The following BAZ1A variants were observed in gnomAD, a reference collection of about 807,000 sequenced individuals.
BAZ1A encodes bromodomain adjacent to zinc finger domain 1A, also known as bromodomain adjacent to zinc finger domain protein 1A.
A neutral mutation model predicts 185.2 loss-of-function variants in BAZ1A; 50 were observed. That is an observed-to-expected ratio of 0.27 (90% confidence interval 0.22 to 0.34). The LOEUF is 0.34. Among genes scored for constraint, BAZ1A ranks in the 10% least tolerant of loss-of-function variants. BAZ1A has a pLI of 1.00. For missense variants in BAZ1A, 1,356 were observed against 1,839.9 expected (o/e 0.74, Z 4.81); for synonymous variants, 571 against 615.6 (o/e 0.93, Z 1.07).
intron 3 of BAZ1A, among the ~76,000 whole-genome samples, chr14:34,829,651 C>T (rs2042212394): frequency 6.6e-6 from 1 of 152,148 alleles, no homozygotes; most frequent in Admixed American, 6.5e-5. Context: ...AAGAAAGTCA[C>T]AATAATCTAA....
At chr14:34,821,773 T>C (rs1043680497) in intron 4 of BAZ1A, among the ~76,000 whole-genome samples, 1 of 151,822 alleles carries the variant, frequency 6.6e-6, no homozygotes, top group African/African-American at 2.4e-5. Flanking sequence ...TCACCTGAGG[T>C]TGGGAGTTCG....
intron 7 of BAZ1A, among the ~76,000 whole-genome samples, chr14:34,801,947 A>C (rs981381112): frequency 4.6e-5 from 7 of 151,712 alleles, no homozygotes; most frequent in Non-Finnish European, 1.0e-4. Flanking sequence ...TAATAACTCT[A>C]ATCTTAGTAA....
At chr14:34,847,119 C>T (rs927128662) in intron 3 of BAZ1A, among the ~76,000 whole-genome samples, 1 of 151,680 alleles carries the variant, frequency 6.6e-6, no homozygotes, top group Admixed American at 6.6e-5. Flanking sequence ...GACACGGTGG[C>T]GCATGCCTGT....
intron 2 of BAZ1A, among the ~76,000 whole-genome samples, chr14:34,867,658 T>C (rs565760189): frequency 6.6e-6 from 1 of 152,314 alleles, no homozygotes; most frequent in Non-Finnish European, 1.5e-5. Flanking sequence ...AAAGTTATTG[T>C]TACATTATAG....
Position 34,761,891 on chromosome 14 carries a change from T to C in BAZ1A, c.4109A>G (p.Asn1370Ser). ...GRKSANNTPE[N>S]SPNFPNFRVI... ...TCTGAAGTTAGGGAAGTTGGGACTA[T>C]TTTCTGGTGTATTATTAGCACTTTT... is the stretch of plus-strand genomic sequence containing the variant. The change falls in exon 24 of 27, where the codon AAT (asparagine) becomes AGT (serine). Residue 1370 changes from asparagine (N) to serine (S), a missense_variant. Transcript: ENST00000360310. The C allele has an allele frequency of 6.2e-7, 1 of 1,614,194 alleles. No homozygotes were observed. The highest frequency in any genetic ancestry group is 8.5e-7 in the Non-Finnish European group (1 of 1,180,032).
intron 4 of BAZ1A, among the ~76,000 whole-genome samples, chr14:34,816,029 T>C (rs2042000580): frequency 1.3e-5 from 2 of 149,660 alleles, no homozygotes; most frequent in Non-Finnish European, 3.0e-5. Flanking sequence ...GGCTAGACTA[T>C]ACTGCATCAA....
chr14:34,833,699 T>A (rs1594887035), intron 3 of BAZ1A, among the ~76,000 whole-genome samples: 1 of 152,020 alleles, frequency 6.6e-6, no homozygotes, highest in Non-Finnish European at 1.5e-5. Flanking sequence ...AAGGATAGAA[T>A]GGGGAGTTAT....
At chr14:34,825,566 A>G (rs142747238) in intron 4 of BAZ1A, among the ~76,000 whole-genome samples, 164 of 152,212 alleles carry the variant, frequency 1.1e-3, no homozygotes, top group African/African-American at 3.6e-3. Context: ...GAAAATTCTA[A>G]CATCATTGTT....
intron 5 of BAZ1A, among the ~76,000 whole-genome samples, chr14:34,809,210 C>G (rs1007042385): frequency 2.0e-5 from 3 of 152,012 alleles, no homozygotes; most frequent in Admixed American, 6.6e-5. Flanking sequence ...CACAGATAAC[C>G]AAGGATGACT....
Position 34,765,254 on chromosome 14 carries a change from C to T in BAZ1A, c.3316G>A (p.Gly1106Arg). 2 of 1,613,260 alleles carry T rather than the reference C, an allele frequency of 1.2e-6. No individual in the cohort carries two copies. Among genetic ancestry groups the T allele is most frequent in the Non-Finnish European group, 1.7e-6 (2 of 1,179,716 alleles). The change falls in exon 22 of 27, where the codon GGG becomes AGG. Residue 1106 changes from glycine (G) to arginine (R), a missense_variant. By Grantham distance (125) the Gly-to-Arg change is moderately radical (BLOSUM62 -2). Transcript: ENST00000360310. ...TCCAGAACTGTTTTATAAGAACGCC[C>T]ACTGTCACTGGCATCTTAAATGAAA... ...LKAPLDASDSGRSYKTVLDRW... is the reference protein window; with the variant it reads ...LKAPLDASDSRRSYKTVLDRW...
chr14:34,802,422 G>A (rs1881618161), intron 7 of BAZ1A, among the ~76,000 whole-genome samples: 1 of 152,066 alleles, frequency 6.6e-6, no homozygotes, highest in Admixed American at 6.6e-5. Flanking sequence ...AGAACTCCAA[G>A]ACTCAAATGT....
chr14:34,805,367 T>G (rs1881799910), intron 6 of BAZ1A, among the ~76,000 whole-genome samples: 1 of 152,254 alleles, frequency 6.6e-6, no homozygotes, highest in South Asian at 2.1e-4. Flanking sequence ...CTTCTTTCCA[T>G]GTTCATTGAC....
chr14:34,771,896 T>C (rs1879247165), intron 20 of BAZ1A, among the ~76,000 whole-genome samples: 1 of 152,110 alleles, frequency 6.6e-6, no homozygotes, highest in East Asian at 1.9e-4. Context: ...GAGGTGACAT[T>C]GTGATGGGCC....
chr14:34,791,382 G>C (rs148204185), intron 12 of BAZ1A, among the ~76,000 whole-genome samples: 1 of 152,102 alleles, frequency 6.6e-6, no homozygotes, highest in East Asian at 1.9e-4. Flanking sequence ...AAATATAATA[G>C]CTAAAAGAAT....
At chr14:34,754,254 CAAA>C (rs59411665) in intron 26 of BAZ1A, among the ~76,000 whole-genome samples, 4 of 97,308 alleles carry the variant, frequency 4.1e-5, no homozygotes, top group Admixed American at 2.2e-4. Context: ...TCCATCATCT[CAAA>C]AAAAAAAAAA....
chr14:34,761,935 A>G lies in BAZ1A; in HGVS notation c.4065T>C (p.Arg1355=), dbSNP rs1886539541. The G allele has an allele frequency of 3.7e-6, 6 of 1,614,040 alleles. No individual in the cohort carries two copies. Among genetic ancestry groups the G allele is most frequent in the Non-Finnish European group, 5.1e-6 (6 of 1,180,056 alleles). The change falls in exon 24 of 27, where the codon CGT becomes CGC. Residue 1355 remains arginine (R), a synonymous_variant. Coordinates refer to ENST00000360310, the MANE Select transcript of BAZ1A (RefSeq NM_013448.3). Reference sequence around the variant, plus strand: ...CACTTTTCCTGCCTCTGCGTTTTCTACGAGGACTAAGCAATTCCACAAATA... The same window carrying G: ...CACTTTTCCTGCCTCTGCGTTTTCTGCGAGGACTAAGCAATTCCACAAATA... ...ADVFVELLSP[R]RKRRGRKSAN...
At chr14:34,778,114 A>G (rs1879774051) in intron 17 of BAZ1A, among the ~76,000 whole-genome samples, 1 of 152,230 alleles carries the variant, frequency 6.6e-6, no homozygotes, top group African/African-American at 2.4e-5. Context: ...AACCCAAAAG[A>G]AGGACAACAT....
At chr14:34,800,437 C>A in intron 8 of BAZ1A, 47 bp from the exon 9 acceptor site, 1 of 1,387,500 alleles carries the variant, frequency 7.2e-7, no homozygotes, top group East Asian at 2.7e-5. Context: ...GACAAAATAA[C>A]ACTTGGCAAT....
intron 2 of BAZ1A, among the ~76,000 whole-genome samples, chr14:34,864,163 A>T (rs2042816465): frequency 6.6e-6 from 1 of 151,910 alleles, no homozygotes; most frequent in African/African-American, 2.4e-5. Flanking sequence ...TACTTTCCAG[A>T]GACAGAATCT....
Sources: gnomAD v4.1 joint callset for allele counts (sites outside exome capture counted in the v4.1 genomes callset) on GRCh38, gnomAD v4.1.1 for gene constraint, MANE v1.5 for transcripts, NCBI Gene and HGNC (gene_info 2026-07-23, HGNC 2026-07-21) for gene names.